Variants in MEST observed in about 807,000 individuals in gnomAD.
The protein encoded by MEST is mesoderm-specific transcript homolog protein.
In MEST, 18 loss-of-function variants were observed where a neutral mutation model predicts 50.9. The ratio of observed to expected loss-of-function variants is 0.35; its 90% CI spans 0.24 to 0.52. The LOEUF is 0.52. Ranked by LOEUF, MEST falls within the 20% of genes least tolerant of loss-of-function variation. The pLI is 0.94. For synonymous variants in MEST, 130 were observed against 154.1 expected, an observed-to-expected ratio of 0.84 and a Z score of 1.16; for missense variants, 282 against 425.3, an observed-to-expected ratio of 0.66 and a Z score of 2.96.
intron 11 of MEST, 65 bp from the exon 12 acceptor site, chr7:130,504,874 C>T: frequency 8.0e-7 from 1 of 1,245,576 alleles, no homozygotes; most frequent in Non-Finnish European, 1.2e-6. Flanking sequence ...ACTGGGGCTT[C>T]CCACTGGCTT....
chr7:130,502,516 C>G, intron 9 of MEST, 128 bp from the exon 10 acceptor site: 2 of 677,894 alleles, frequency 3.0e-6, no homozygotes, highest in Non-Finnish European at 5.1e-6. Flanking sequence ...TGGGACATTT[C>G]CAGGAATGCT....
At position 130,495,301 on chromosome 7, in the gene MEST, T is replaced by C. The variant is rs1799004241; in HGVS notation, c.27-67T>C. ...CAATCTCCCACCCCATCTTACCAGG[T>C]TTTGGTTTGTAGATGAGTGGACAAT... On this transcript the variant is annotated intron_variant, in intron 1 of 11. Coordinates refer to ENST00000223215, the MANE Select transcript of MEST (RefSeq NM_002402.4). 5 of 1,480,622 alleles carry C rather than the reference T, an allele frequency of 3.4e-6. No homozygotes were observed. In the South Asian group the frequency reaches 6.9e-5, roughly 20 times the overall value. The allele number at this position is 1,480,622 out of a possible 1,614,324, so 91.7% of individuals were successfully genotyped here. A position where few individuals can be genotyped will look rare whatever the true frequency, so the allele number is the denominator to read the frequency against.
At position 130,497,945 on chromosome 7, in the gene MEST, G is replaced by T; in HGVS notation, c.271G>T (p.Gly91Cys). ...SSYDWYKIWE[G>C]LTLRFHRVIA... ...CGTTTCTTTCTTGTAGATTTGGGAA[G>T]GTCTGACCTTGAGGTTTCATCGGGT... is the stretch of plus-strand genomic sequence containing the variant. The change falls in exon 4 of 12, where the codon GGT (glycine) becomes TGT (cysteine). Residue 91 changes from glycine (G) to cysteine (C), a missense_variant. Coordinates refer to ENST00000223215, the MANE Select transcript of MEST (RefSeq NM_002402.4). This position sits in a 1 kb window ranked among gnomAD's most constrained non-coding sequence, Gnocchi z 4.0. The T allele has an allele frequency of 6.2e-7, 1 of 1,614,196 alleles. No individual in the cohort carries two copies. The highest frequency in any genetic ancestry group is 8.5e-7 in the Non-Finnish European group (1 of 1,180,034).
chr7:130,491,992 C>T (rs1319588116), upstream of MEST: 3 of 161,678 alleles, frequency 1.9e-5, no homozygotes, highest in Non-Finnish European at 3.7e-5. The surrounding 1 kb of genome is among the most constrained non-coding windows in gnomAD (Gnocchi z 6.8). Flanking sequence ...CTGCGGCGAG[C>T]AAGGGAGCAG....
At chr7:130,495,975 C>T in intron 2 of MEST, 2 of 390,178 alleles carry the variant, frequency 5.1e-6, no homozygotes, top group South Asian at 3.8e-5. Context: ...CACTACTTAT[C>T]AAGTAATTAC....
At chr7:130,502,281 A>G in intron 9 of MEST, among the ~76,000 whole-genome samples, 1 of 152,226 alleles carries the variant, frequency 6.6e-6, no homozygotes, top group Non-Finnish European at 1.5e-5. Flanking sequence ...GATCTGTGTT[A>G]TATGTTTGAG....
Position 130,496,925 on chromosome 7 carries a change from G to A in MEST, c.182-231G>A, listed in dbSNP as rs536870056. The stretch of plus-strand genomic sequence containing the variant: ...GTGAAAGTAAACAAGGTGCCTTCAA[G>A]TATTTTCACATAGCATGATTTTTAC... On this transcript the variant is annotated intron_variant, in intron 2 of 11. Coordinates refer to ENST00000223215, the MANE Select transcript of MEST (RefSeq NM_002402.4). 1.8e-5 allele frequency: 6 copies of A among 339,362 alleles called. No individual in the cohort carries two copies. The Admixed American group carries it at 2.4e-4, about 14-fold the overall frequency. The allele number at this position is 339,362 out of a possible 1,614,324, so 21.0% of individuals were successfully genotyped here. A position where few individuals can be genotyped will look rare whatever the true frequency, so the allele number is the denominator to read the frequency against.
chr7:130,499,938 T>C (rs1799214944), intron 7 of MEST, 23 bp downstream of exon 7: 1 of 1,602,008 alleles, frequency 6.2e-7, no homozygotes, highest in Admixed American at 1.7e-5. Flanking sequence ...CTGATAGACC[T>C]TTAGTTTTAG....
chr7:130,494,421 A>T (rs1172176307), intron 1 of MEST: 2 of 152,202 alleles, frequency 1.3e-5, no homozygotes, highest in African/African-American at 4.8e-5. Context: ...AGAACGGTTT[A>T]TAATTCCTGT....
In MEST at chr7:130,500,750, C is replaced by T. The variant is rs782319080; in HGVS notation, c.648-39C>T. The T allele has an allele frequency of 1.9e-6, 3 of 1,543,138 alleles. No individual in the cohort carries two copies. The highest frequency in any genetic ancestry group is 2.7e-6 in the Non-Finnish European group (3 of 1,129,074). ...CCAGCCATATTGAACATTCTGAGTTCTCCTCACACTTATCTTCCTGCGTTT... is the reference window on the plus strand; with the variant it reads ...CCAGCCATATTGAACATTCTGAGTTTTCCTCACACTTATCTTCCTGCGTTT... On this transcript the variant is annotated intron_variant, in intron 8 of 11. Transcript: ENST00000223215. The surrounding 1 kb of genome is among the most constrained non-coding windows in gnomAD (Gnocchi z 5.0).
chr7:130,493,105 G>C (rs1408936237), intron 1 of MEST: 1 of 152,212 alleles, frequency 6.6e-6, no homozygotes, highest in African/African-American at 2.4e-5. Context: ...GCAGTGACTA[G>C]AACTCGCAGT....
chr7:130,502,405 A>T (rs913834378), intron 9 of MEST, among the ~76,000 whole-genome samples: 5 of 152,218 alleles, frequency 3.3e-5, no homozygotes, highest in African/African-American at 1.2e-4. Flanking sequence ...CTGCTTAATA[A>T]ATACACAAAC....
upstream of MEST, chr7:130,487,685 C>T (rs1414210700): frequency 2.6e-5 from 4 of 152,244 alleles, no homozygotes; most frequent in African/African-American, 7.2e-5. Context: ...CTCGCTCTGT[C>T]ACCCAGGCTG....
At chr7:130,501,650 T>G (rs1799279432) in intron 9 of MEST, among the ~76,000 whole-genome samples, 1 of 152,156 alleles carries the variant, frequency 6.6e-6, no homozygotes, top group Non-Finnish European at 1.5e-5. Context: ...AGAGGAATCC[T>G]CTCCATTTTA....
rs1554437638 is a variant in MEST at position 130,498,246 on chromosome 7, A to G, written c.447A>G (p.Gly149=). Residue 149 remains glycine (G), a synonymous_variant, in exon 5 of 12, where the codon GGA becomes GGG. Coordinates refer to ENST00000223215, the MANE Select transcript of MEST (RefSeq NM_002402.4). ...RRINLLSHDY[G]DIVAQELLYR... ...TCAACCTTCTTTCTCATGACTATGG[A>G]GATATTGTTGCTCAGGAGCTTCTCT... 1 of 1,614,062 alleles carries G rather than the reference A, an allele frequency of 6.2e-7. No individual in the cohort carries two copies. Among genetic ancestry groups the G allele is most frequent in the South Asian group, 1.1e-5 (1 of 91,072 alleles).
intron 1 of MEST, among the ~76,000 whole-genome samples, chr7:130,494,253 A>G (rs1798951622): frequency 6.6e-6 from 1 of 152,194 alleles, no homozygotes; most frequent in Non-Finnish European, 1.5e-5. Context: ...ACGGAAAGCC[A>G]TTTCCCCCAG....
chr7:130,489,543 A>T (rs1212206908), upstream of MEST: 1 of 152,146 alleles, frequency 6.6e-6, no homozygotes, highest in East Asian at 1.9e-4. Context: ...TATGGCCAGC[A>T]TTTTCTCTCT....
upstream of MEST, chr7:130,488,935 C>G (rs879959823): frequency 2.6e-5 from 4 of 152,174 alleles, no homozygotes; most frequent in African/African-American, 9.7e-5. Flanking sequence ...GTTTCTCAAC[C>G]AAAACCCCTT....
upstream of MEST, among the ~76,000 whole-genome samples, chr7:130,490,283 A>G (rs370146816): frequency 1.3e-5 from 2 of 152,310 alleles, no homozygotes; most frequent in East Asian, 1.9e-4. Context: ...ATTCCCTACG[A>G]TGAAATTCTC....
Sources: gnomAD v4.1 joint callset for allele counts (sites outside exome capture counted in the v4.1 genomes callset) on GRCh38, gnomAD v4.1.1 for gene constraint, Gnocchi (gnomAD v3.1) non-coding constraint, MANE v1.5 for transcripts, NCBI Gene and HGNC (gene_info 2026-07-23, HGNC 2026-07-21) for gene names.